The following ARHGAP42 variants were observed in gnomAD, a reference collection of about 807,000 sequenced individuals.
ARHGAP42 encodes the protein rho GTPase-activating protein 42.
ARHGAP42 carries 63 observed loss-of-function variants against 125.0 expected under a neutral mutation model. The ratio of observed to expected loss-of-function variants is 0.50; its 90% confidence interval spans 0.41 to 0.62. ARHGAP42 has a LOEUF of 0.62. ARHGAP42 is among the 20% of genes least tolerant of loss of function. ARHGAP42 has a pLI of 0.00. For synonymous variants in ARHGAP42, 339 were observed against 351.0 expected (o/e 0.97, Z 0.38); for missense variants, 766 against 1,024.2 (o/e 0.75, Z 3.44).
rs114149115 is a variant in ARHGAP42 at position 100,718,977 on chromosome 11, T to C, written c.154+31145T>C. Among the ~76,000 whole-genome samples, 517 of 152,362 alleles carry C rather than the reference T, an allele frequency of 3.4e-3. 5 individuals carry two copies. Among genetic ancestry groups the C allele is most frequent in the African/African-American group, 0.012 (497 of 41,588 alleles). On this transcript the variant is annotated intron_variant, in intron 1 of 23. Transcript: ENST00000298815. ...TGATGGAGAAAGGAAGAGAAGGTTG[T>C]GATGCTTCACTATACCTCATGATTT...
intron 14 of ARHGAP42, among the ~76,000 whole-genome samples, 183 bp from the exon 15 acceptor site, chr11:100,961,501 T>G (rs1394687726): frequency 6.6e-6 from 1 of 152,160 alleles, no homozygotes; most frequent in Non-Finnish European, 1.5e-5. Context: ...AAGATATATC[T>G]TTGAGGTTTA....
At chr11:100,767,992 A>T (rs1197869902) in intron 1 of ARHGAP42, among the ~76,000 whole-genome samples, 1 of 152,070 alleles carries the variant, frequency 6.6e-6, no homozygotes, top group Non-Finnish European at 1.5e-5. Flanking sequence ...ACAAAATGTG[A>T]CCTTCGTGTT....
chr11:100,807,754 T>C (rs1864033706), intron 3 of ARHGAP42, among the ~76,000 whole-genome samples: 1 of 152,236 alleles, frequency 6.6e-6, no homozygotes, highest in Non-Finnish European at 1.5e-5. Flanking sequence ...TTTCCTGCCT[T>C]TGGCATTTAT....
intron 5 of ARHGAP42, among the ~76,000 whole-genome samples, chr11:100,916,307 G>A (rs1222035884): frequency 6.6e-6 from 1 of 152,190 alleles, no homozygotes; most frequent in East Asian, 1.9e-4. Context: ...TAAGTAATCT[G>A]TTTTGAAAGA....
At chr11:100,980,353 T>C (rs996039859) in intron 22 of ARHGAP42, among the ~76,000 whole-genome samples, 4 of 152,172 alleles carry the variant, frequency 2.6e-5, no homozygotes, top group Middle Eastern at 3.4e-3. Flanking sequence ...TGCTACGTAG[T>C]TGAATTGCTC....
At chr11:100,734,739 C>T (rs1862029572) in intron 1 of ARHGAP42, among the ~76,000 whole-genome samples, 1 of 152,162 alleles carries the variant, frequency 6.6e-6, no homozygotes, top group Non-Finnish European at 1.5e-5. Context: ...CCCAGTTGAA[C>T]CAATGTGACT....
At position 100,987,122 on chromosome 11, in the gene ARHGAP42, C is replaced by T. The variant is rs79803236; in HGVS notation, c.2457-391C>T. ...TGGATCTCACCTCAGATAGTCTGAA[C>T]ATGAAAGTGGGGGAAAAAAAAGCTT... is the stretch of plus-strand genomic sequence containing the variant. On this transcript the variant is annotated intron_variant, in intron 22 of 23. Transcript: ENST00000298815. Among the ~76,000 whole-genome samples the T allele has an allele frequency of 8.8e-3, 1,338 of 152,194 alleles. 27 individuals are homozygous for T. The highest frequency in any genetic ancestry group is 0.031 in the African/African-American group (1,270 of 41,512).
chr11:100,744,538 C>G (rs1473301888), intron 1 of ARHGAP42, among the ~76,000 whole-genome samples: 2 of 148,534 alleles, frequency 1.3e-5, no homozygotes, highest in African/African-American at 5.0e-5. Context: ...ATATTTTACT[C>G]TGTGTGTGTG....
intron 1 of ARHGAP42, among the ~76,000 whole-genome samples, chr11:100,734,141 G>T (rs1290386792): frequency 6.6e-6 from 1 of 151,070 alleles, no homozygotes; most frequent in African/African-American, 2.4e-5. Flanking sequence ...CACTGTGTTG[G>T]CCAGGCTAGT....
At chr11:100,828,498 C>T (rs1327829847) in intron 3 of ARHGAP42, among the ~76,000 whole-genome samples, 1 of 152,066 alleles carries the variant, frequency 6.6e-6, no homozygotes, top group African/African-American at 2.4e-5. Context: ...CAGATATGCT[C>T]AAATATGTGT....
At chr11:100,943,069 A>G (rs1010816739) in intron 9 of ARHGAP42, among the ~76,000 whole-genome samples, 2 of 151,992 alleles carry the variant, frequency 1.3e-5, no homozygotes, top group Admixed American at 6.6e-5. Flanking sequence ...CCTATGTTGG[A>G]TCTTGTCCAG....
chr11:100,932,143 C>G (rs1196412473), intron 6 of ARHGAP42, among the ~76,000 whole-genome samples: 2 of 152,118 alleles, frequency 1.3e-5, no homozygotes, highest in African/African-American at 4.8e-5. Flanking sequence ...CAGTGTTTAT[C>G]TGTTGGAAAT....
At chr11:100,962,831 G>A (rs1033754510) in intron 16 of ARHGAP42, among the ~76,000 whole-genome samples, 12 of 152,042 alleles carry the variant, frequency 7.9e-5, no homozygotes, top group African/African-American at 1.7e-4. Context: ...AGTCGAGATC[G>A]CGCCATTGCA....
intron 18 of ARHGAP42, among the ~76,000 whole-genome samples, chr11:100,974,226 GA>G (rs763417925): frequency 5.3e-5 from 8 of 152,164 alleles, no homozygotes; most frequent in Non-Finnish European, 1.2e-4. Flanking sequence ...TTCATATTTG[GA>G]AGGTTTCTTA....
At chr11:100,774,378 C>T (rs1391392139) in intron 2 of ARHGAP42, among the ~76,000 whole-genome samples, 7 of 152,162 alleles carry the variant, frequency 4.6e-5, no homozygotes, top group East Asian at 3.9e-4. Flanking sequence ...TGAGTTCCAA[C>T]GACTTCTTTA....
At chr11:100,752,219 G>A (rs199670983) in intron 1 of ARHGAP42, among the ~76,000 whole-genome samples, 3 of 152,178 alleles carry the variant, frequency 2.0e-5, no homozygotes, top group South Asian at 2.1e-4. Context: ...ATCCAGAAAG[G>A]TTATCTATAG....
At chr11:100,800,257 A>G (rs115148245) in intron 3 of ARHGAP42, among the ~76,000 whole-genome samples, 197 of 152,312 alleles carry the variant, frequency 1.3e-3, no homozygotes, top group African/African-American at 4.6e-3. Flanking sequence ...TGTAGCAATA[A>G]TCGAGGCAGG....
Position 100,992,492 on chromosome 11 carries a change from C to CT in ARHGAP42, c.*3695dup. On this transcript the variant is annotated 3_prime_UTR_variant, in exon 24 of 24. Coordinates refer to ENST00000298815, the MANE Select transcript of ARHGAP42 (RefSeq NM_152432.4). The stretch of plus-strand genomic sequence containing the variant: ...TTTGTTACCTTCCAAAATCAAGACA[C>CT]TTTTAAGAAACAAAGATAGTTTTCT... 6.2e-7 allele frequency: 1 copy of CT among 1,614,098 alleles called. No individual in the cohort carries two copies. The highest frequency in any genetic ancestry group is 8.5e-7 in the Non-Finnish European group (1 of 1,179,974).
At chr11:100,789,633 G>GTC (rs1337451458) in intron 2 of ARHGAP42, among the ~76,000 whole-genome samples, 2 of 152,148 alleles carry the variant, frequency 1.3e-5, no homozygotes, top group Non-Finnish European at 2.9e-5. Context: ...CACCTAATGC[G>GTC]TCTTGCATGG....
Sources: allele counts gnomAD v4.1 joint callset (sites outside exome capture counted in the v4.1 genomes callset), GRCh38; gene constraint gnomAD v4.1.1; transcripts MANE v1.5; gene names NCBI Gene and HGNC (gene_info 2026-07-23, HGNC 2026-07-21).